The following MALRD1 variants were observed in gnomAD, a reference collection of about 807,000 sequenced individuals.
MALRD1 encodes the protein MAM and LDL-receptor class A domain-containing protein 1.
In MALRD1, 247 loss-of-function variants were observed where a neutral mutation model predicts 242.1. The ratio of observed to expected loss-of-function variants is 1.02; its 90% CI spans 0.92 to 1.13. MALRD1 has a LOEUF of 1.13. MALRD1 is among the 50% of genes most tolerant of loss of function. The pLI is 0.00. For missense variants in MALRD1, 2,989 were observed against 2,533.1 expected, an observed-to-expected ratio of 1.18 and a Z score of -3.86; for synonymous variants, 995 against 866.6, an observed-to-expected ratio of 1.15 and a Z score of -2.60.
At chr10:19,347,542 C>T (rs1256524762) in intron 24 of MALRD1, among the ~76,000 whole-genome samples, 1 of 144,616 alleles carries the variant, frequency 6.9e-6, no homozygotes, top group Non-Finnish European at 1.5e-5. Context: ...AACAGTTTAT[C>T]AGTTTTGAAA....
At chr10:19,439,962 A>G (rs758879752) in intron 28 of MALRD1, among the ~76,000 whole-genome samples, 5 of 152,258 alleles carry the variant, frequency 3.3e-5, no homozygotes, top group African/African-American at 7.2e-5. Flanking sequence ...TGTCTTAAAG[A>G]TCCATCTTGG....
intron 19 of MALRD1, among the ~76,000 whole-genome samples, chr10:19,269,449 G>T (rs868579018): frequency 1.3e-5 from 2 of 152,230 alleles, no homozygotes; most frequent in African/African-American, 4.8e-5. Flanking sequence ...CTAAGTATTT[G>T]CAAAGTTAAA....
chr10:19,577,395 A>G lies in MALRD1; in HGVS notation c.5680+9692A>G, dbSNP rs567390426. Among the ~76,000 whole-genome samples the G allele has an allele frequency of 9.8e-5, 15 of 152,318 alleles. No homozygotes were observed. In the South Asian group the frequency reaches 3.1e-3, roughly 32 times the overall value. ...AAAAACATTAGAGCCAGAAAATGCC[A>G]TTAAATGCTAATACCAGGCAGGCTT... On this transcript the variant is annotated intron_variant, in intron 33 of 39. Coordinates refer to ENST00000454679, the MANE Select transcript of MALRD1 (RefSeq NM_001142308.3).
chr10:19,327,475 A>G (rs1843182188), intron 22 of MALRD1, 88 bp from the exon 23 acceptor site: 1 of 1,069,142 alleles, frequency 9.4e-7, no homozygotes, highest in African/African-American at 1.6e-5. Flanking sequence ...TGCAACTAAA[A>G]AAAAAAAAAT....
intron 2 of MALRD1, among the ~76,000 whole-genome samples, chr10:19,077,613 T>G (rs1182953299): frequency 3.3e-5 from 5 of 151,948 alleles, no homozygotes; most frequent in Non-Finnish European, 2.9e-5. Context: ...TTCTAACAGG[T>G]GTCTGAAGTG....
At chr10:19,071,896 T>A (rs986599776) in intron 2 of MALRD1, among the ~76,000 whole-genome samples, 1 of 152,174 alleles carries the variant, frequency 6.6e-6, no homozygotes, top group Admixed American at 6.6e-5. Context: ...CCTTTCTATA[T>A]TTACTTTGAA....
Position 19,703,259 on chromosome 10 carries a change from G to A in MALRD1, c.6314+10705G>A, listed in dbSNP as rs116302397. 6.0e-3 allele frequency among the ~76,000 whole-genome samples: 909 copies of A among 152,232 alleles called. 10 individuals carry two copies. The highest frequency in any genetic ancestry group is 0.021 in the African/African-American group (867 of 41,548). On this transcript the variant is annotated intron_variant, in intron 38 of 39. Transcript: ENST00000454679. ...CTCTCATCTCTGTTTCTTTTTGCTC[G>A]TCTGTTTTGATTCTCTCTCTGCAGG...
chr10:19,396,188 G>A (rs1225967641), intron 28 of MALRD1, among the ~76,000 whole-genome samples: 2 of 145,624 alleles, frequency 1.4e-5, no homozygotes, highest in Non-Finnish European at 3.0e-5. Flanking sequence ...CCCTGGCTGA[G>A]GTGCAGTGAT....
intron 38 of MALRD1, among the ~76,000 whole-genome samples, chr10:19,707,540 T>C (rs1360387562): frequency 6.6e-6 from 1 of 152,200 alleles, no homozygotes; most frequent in Non-Finnish European, 1.5e-5. Context: ...CTAGAGGGCA[T>C]AAGCCTGTTC....
intron 38 of MALRD1, among the ~76,000 whole-genome samples, chr10:19,727,290 T>TC (rs1383070502): frequency 3.9e-5 from 6 of 152,156 alleles, no homozygotes; most frequent in African/African-American, 1.4e-4. Context: ...TTTGTTTTAT[T>TC]CTTTTTTTCT....
chr10:19,430,113 T>TTTTTTTTTTC (rs1834065338), intron 28 of MALRD1, among the ~76,000 whole-genome samples: 1 of 111,442 alleles, frequency 9.0e-6, no homozygotes, highest in African/African-American at 4.3e-5. Context: ...CCATTTTCCT[T>TTTTTTTTTTC]TTTTTTTTTT....
intron 14 of MALRD1, among the ~76,000 whole-genome samples, chr10:19,201,812 T>G (rs1240188270): frequency 6.6e-6 from 1 of 152,166 alleles, no homozygotes; most frequent in Non-Finnish European, 1.5e-5. Flanking sequence ...TTTCTAAACT[T>G]TACTTGATAA....
At chr10:19,182,214 G>T (rs190087255) in intron 14 of MALRD1, among the ~76,000 whole-genome samples, 1 of 151,232 alleles carries the variant, frequency 6.6e-6, no homozygotes, top group Non-Finnish European at 1.5e-5. Context: ...CTTTTAATCA[G>T]CAAAACAAAT....
In MALRD1 at chr10:19,446,525, T is replaced by C. The variant is rs187437061; in HGVS notation, c.4846-3782T>C. ...TGGAACTTCCAAGGAGATCTGTCTA[T>C]TAATATGTTTGTACAATTTGAAGTG... On this transcript the variant is annotated intron_variant, in intron 28 of 39. Transcript: ENST00000454679. 4.6e-3 allele frequency among the ~76,000 whole-genome samples: 704 copies of C among 152,332 alleles called. 8 individuals carry two copies. The highest frequency in any genetic ancestry group is 4.8e-3 in the Non-Finnish European group (326 of 68,030).
chr10:19,300,372 T>A (rs921494464), intron 21 of MALRD1, among the ~76,000 whole-genome samples: 3 of 151,934 alleles, frequency 2.0e-5, no homozygotes, highest in African/African-American at 4.8e-5. Flanking sequence ...TATTCTAAAA[T>A]TAATATGCAA....
rs528792489 is a variant in MALRD1 at position 19,133,811 on chromosome 10, AT to A, written c.1111-43del. 4.5e-4 allele frequency: 395 copies of A among 883,612 alleles called. 2 individuals are homozygous for A. The African/African-American group carries it at 6.3e-3, about 14-fold the overall frequency. The allele number at this position is 883,612 out of a possible 1,614,324, so 54.7% of individuals were successfully genotyped here. On this transcript the variant is annotated intron_variant, in intron 8 of 39. Coordinates refer to ENST00000454679, the MANE Select transcript of MALRD1 (RefSeq NM_001142308.3). Reference sequence around the variant, plus strand: ...AAAGAGCATGTATGTAAATGTGAAGATTAGAATACGGGTAATGAGTGATGTC... The same window carrying A: ...AAAGAGCATGTATGTAAATGTGAAGATAGAATACGGGTAATGAGTGATGTC...
chr10:19,657,943 T>C (rs1335728424), intron 36 of MALRD1, among the ~76,000 whole-genome samples: 3 of 151,492 alleles, frequency 2.0e-5, no homozygotes, highest in African/African-American at 4.9e-5. Context: ...AGGTTGGGAG[T>C]TTGAGACCAG....
rs559078963 is a variant in MALRD1, at chr10:19,621,940, C to G, written c.6137+6017C>G. On this transcript the variant is annotated intron_variant, in intron 36 of 39. Coordinates refer to ENST00000454679, the MANE Select transcript of MALRD1 (RefSeq NM_001142308.3). ...ATTGTCTCCAGAGTTGTGAAAAAGT[C>G]TTTGAAAAAATTTAACATCTATTCT... is the stretch of plus-strand genomic sequence containing the variant. Among the ~76,000 whole-genome samples, 22 of 151,746 alleles carry G rather than the reference C, an allele frequency of 1.4e-4. No individual in the cohort carries two copies. In the South Asian group the frequency reaches 4.6e-3, roughly 32 times the overall value.
At chr10:19,192,587 C>T (rs991801014) in intron 14 of MALRD1, among the ~76,000 whole-genome samples, 2 of 152,042 alleles carry the variant, frequency 1.3e-5, no homozygotes, top group Non-Finnish European at 2.9e-5. Flanking sequence ...GGAAGATTTC[C>T]CCCCACAGCC....
Sources: gnomAD v4.1 joint callset for allele counts (sites outside exome capture counted in the v4.1 genomes callset) on GRCh38, gnomAD v4.1.1 for gene constraint, MANE v1.5 for transcripts, NCBI Gene and HGNC (gene_info 2026-07-23, HGNC 2026-07-21) for gene names.